SGSM2: variants seen among roughly 807,000 people sequenced by gnomAD.
SGSM2 encodes the protein RUN and TBC1 domain containing 1.
SGSM2 carries 89 observed loss-of-function variants against 126.6 expected under a neutral mutation model. The observed-to-expected ratio is 0.70, with a 90% CI of 0.59 to 0.84. The LOEUF (loss-of-function observed/expected upper bound fraction) is 0.84. SGSM2 is among the 40% of genes least tolerant of loss of function. The pLI, the probability that SGSM2 is intolerant of heterozygous loss-of-function variation, is 0.00. For synonymous variants in SGSM2, 614 were observed against 574.3 expected, an observed-to-expected ratio of 1.07 and a Z score of -0.99; for missense variants, 1,404 against 1,416.6, an observed-to-expected ratio of 0.99 and a Z score of 0.14.
At chr17:2,356,887 T>A (rs12940812) in intron 2 of SGSM2, among the ~76,000 whole-genome samples, 3 of 22,786 alleles carry the variant, frequency 1.3e-4, no homozygotes, top group African/African-American at 5.0e-4. Flanking sequence ...GGGGAAGGGA[T>A]CCCATATCTT....
In SGSM2 at chr17:2,380,128, A is replaced by C. The variant is rs570683821; in HGVS notation, c.*608A>C. On this transcript the variant is annotated 3_prime_UTR_variant, in exon 24 of 24. Transcript: ENST00000268989. ...TCGGAAGATGTGGGCCCTGGGTGGGAGCAGCCCACTTCAGCAGCACTGCCA... is the reference window on the plus strand; with the variant it reads ...TCGGAAGATGTGGGCCCTGGGTGGGCGCAGCCCACTTCAGCAGCACTGCCA... 213 of 1,412,756 alleles carry C rather than the reference A, an allele frequency of 1.5e-4. 2 individuals are homozygous for C. The Middle Eastern group carries it at 2.8e-3, about 18-fold the overall frequency. 87.5% of individuals were successfully genotyped at this position (1,412,756 alleles called of 1,614,324 possible). A position where few individuals can be genotyped will look rare whatever the true frequency, so the allele number is the denominator to read the frequency against.
chr17:2,377,735 A>C, intron 21 of SGSM2, 122 bp from the exon 22 acceptor site: 2 of 691,890 alleles, frequency 2.9e-6, no homozygotes, highest in Admixed American at 2.0e-5. Flanking sequence ...ACAGGGCAAC[A>C]GACAGACCCA....
At chr17:2,349,883 G>T (rs1327898672) in intron 2 of SGSM2, among the ~76,000 whole-genome samples, 1 of 151,856 alleles carries the variant, frequency 6.6e-6, no homozygotes, top group African/African-American at 2.4e-5. Flanking sequence ...CGCCTCCCGG[G>T]TTCACACCAT....
rs1389107369 is a variant in SGSM2, at chr17:2,337,899, C to G, written c.57+154C>G. Among the ~76,000 whole-genome samples the G allele has an allele frequency of 2.6e-5, 4 of 151,910 alleles. No homozygotes were observed. The South Asian group carries it at 8.3e-4, about 31-fold the overall frequency. ...GACGGGCTGCGCCTCCTTCCCCTTT[C>G]TCGGATGGGGGAGGGCAGCGCCCCT... On this transcript the variant is annotated intron_variant, in intron 1 of 23. Transcript: ENST00000268989. The surrounding 1 kb of genome is among the most constrained non-coding windows in gnomAD (Gnocchi z 5.1).
chr17:2,376,478 A>G, intron 19 of SGSM2: 1 of 671,042 alleles, frequency 1.5e-6, no homozygotes, highest in Non-Finnish European at 2.5e-6. Flanking sequence ...CTCTTCAGGA[A>G]GCTTTCCCTC....
Position 2,365,282 on chromosome 17 carries a change from C to G in SGSM2, c.1229C>G (p.Thr410Arg), listed in dbSNP as rs375137282. 1.3e-6 allele frequency: 2 copies of G among 1,598,390 alleles called. No homozygotes were observed. The highest frequency in any genetic ancestry group is 1.7e-6 in the Non-Finnish European group (2 of 1,172,526). The change falls in exon 11 of 24, where the codon ACG becomes AGG. Residue 410 changes from threonine to arginine, a missense_variant. Coordinates refer to ENST00000268989, the MANE Select transcript of SGSM2 (RefSeq NM_014853.3). ...IRSVDMEEMG[T>R]GRATDYVFRI... ...TCCGTGGATATGGAGGAGATGGGCACGGGGCGGGCCACCGACTATGTGTTC... is the reference window on the plus strand; with the variant it reads ...TCCGTGGATATGGAGGAGATGGGCAGGGGGCGGGCCACCGACTATGTGTTC...
chr17:2,365,559 C>T (rs1433232056), intron 11 of SGSM2, among the ~76,000 whole-genome samples: 4 of 152,154 alleles, frequency 2.6e-5, no homozygotes, highest in East Asian at 1.9e-4. Flanking sequence ...CACTTCTCCA[C>T]GCCAGGACTC....
chr17:2,354,975 G>A (rs2065035431), intron 2 of SGSM2, among the ~76,000 whole-genome samples: 2 of 99,768 alleles, frequency 2.0e-5, no homozygotes, highest in Admixed American at 9.5e-5. Context: ...TGGTGGAATC[G>A]GGGTGTAAGG....
chr17:2,364,052 G>A lies in SGSM2; in HGVS notation c.808-7G>A, dbSNP rs573040269. On this transcript the variant is annotated splice_region_variant and splice_polypyrimidine_tract_variant and intron_variant, in intron 7 of 23. Coordinates refer to ENST00000268989, the MANE Select transcript of SGSM2 (RefSeq NM_014853.3). ...CATCGTCGGTCTTCCGGTGTCTCCC[G>A]CTGTAGAAGGAGGATATGGAGGCGG... 6.8e-6 allele frequency: 11 copies of A among 1,613,918 alleles called. No individual in the cohort carries two copies. The highest frequency in any genetic ancestry group is 5.0e-5 in the Admixed American group (3 of 60,006).
At chr17:2,340,648 C>A (rs762402232) in intron 1 of SGSM2, among the ~76,000 whole-genome samples, 27 of 151,308 alleles carry the variant, frequency 1.8e-4, no homozygotes, top group Non-Finnish European at 3.4e-4. Context: ...GCCGTGGCGC[C>A]ATCTCAGCTC....
At position 2,380,104 on chromosome 17, in the gene SGSM2, C is replaced by T. The variant is rs765897360; in HGVS notation, c.*584C>T. On this transcript the variant is annotated 3_prime_UTR_variant, in exon 24 of 24. Coordinates refer to ENST00000268989, the MANE Select transcript of SGSM2 (RefSeq NM_014853.3). ...CGCTCCCCCGAGATTCTGGGGCAGT[C>T]GGAAGATGTGGGCCCTGGGTGGGAG... The T allele has an allele frequency of 1.1e-4, 159 of 1,400,868 alleles. No individual in the cohort carries two copies. Among genetic ancestry groups the T allele is most frequent in the Middle Eastern group, 5.0e-4 (2 of 3,982 alleles). The allele number at this position is 1,400,868 out of a possible 1,614,324, so 86.8% of individuals were successfully genotyped here.
chr17:2,373,375 G>C lies in SGSM2; in HGVS notation c.1962G>C (p.Glu654Asp), dbSNP rs748762956. The part of the protein sequence containing the change: ...VAARYQQVLA[E>D]WKACEVVVRQ... ...CAAGGTACCAGCAGGTGTTGGCAGA[G>C]TGGAAGGCCTGCGAGGTGGTGGTGA... is the stretch of plus-strand genomic sequence containing the variant. The change falls in exon 17 of 24, where the codon GAG (glutamate) becomes GAC (aspartate). Residue 654 changes from glutamate to aspartate, a missense_variant. Glu to Asp is a conservative substitution (Grantham distance 45). Coordinates refer to ENST00000268989, the MANE Select transcript of SGSM2 (RefSeq NM_014853.3). 3.1e-6 allele frequency: 5 copies of C among 1,613,172 alleles called. No individual in the cohort carries two copies. The highest frequency in any genetic ancestry group is 4.2e-6 in the Non-Finnish European group (5 of 1,179,996).
At chr17:2,374,891 A>G (rs1480800353) in intron 17 of SGSM2, among the ~76,000 whole-genome samples, 8 of 152,148 alleles carry the variant, frequency 5.3e-5, no homozygotes, top group African/African-American at 1.9e-4. Context: ...CAGTCTCTGT[A>G]TGTGTCTCTT....
Position 2,343,605 on chromosome 17 carries a change from A to G in SGSM2, c.118A>G (p.Ile40Val). The G allele has an allele frequency of 2.5e-6, 4 of 1,614,176 alleles. No homozygotes were observed. The highest frequency in any genetic ancestry group is 2.2e-5 in the South Asian group (2 of 91,082). Reference sequence around the variant, plus strand: ...GTTTGTGCATGAAGACAGCAGCCACATCATTGCTTTATGTGGTGAGTGAGT... The same window carrying G: ...GTTTGTGCATGAAGACAGCAGCCACGTCATTGCTTTATGTGGTGAGTGAGT... Reference protein sequence around the residue: ...RKFVHEDSSHIIALCGAVEAC... With the variant: ...RKFVHEDSSHVIALCGAVEAC... The change falls in exon 2 of 24, where the codon ATC becomes GTC. Residue 40 changes from isoleucine (I) to valine (V), a missense_variant. By Grantham distance (29) the Ile-to-Val change is conservative (BLOSUM62 3). Transcript: ENST00000268989.
intron 11 of SGSM2, among the ~76,000 whole-genome samples, chr17:2,365,642 C>T (rs1038064248): frequency 5.9e-5 from 9 of 152,118 alleles, no homozygotes; most frequent in African/African-American, 2.2e-4. Context: ...AGGGGTAAAA[C>T]ACGTGGAGAA....
intron 22 of SGSM2, among the ~76,000 whole-genome samples, 154 bp downstream of exon 22, chr17:2,378,107 T>C (rs536984875): frequency 6.6e-6 from 1 of 152,128 alleles, no homozygotes; most frequent in African/African-American, 2.4e-5. Flanking sequence ...CCCAGACTCA[T>C]GAACTGTGGC....
intron 20 of SGSM2, 24 bp downstream of exon 20, chr17:2,376,839 C>G: frequency 6.2e-7 from 1 of 1,613,702 alleles, no homozygotes; most frequent in Admixed American, 1.7e-5. Flanking sequence ...GGACATGGGA[C>G]TGGGCTGCGT....
chr17:2,355,334 A>G (rs77774277), intron 2 of SGSM2, among the ~76,000 whole-genome samples: 230 of 11,494 alleles, frequency 0.02, no homozygotes, highest in Admixed American at 0.045. Flanking sequence ...GGGGTGTAAG[A>G]GTTGGGGGAA....
chr17:2,377,198 G>T, intron 21 of SGSM2, 130 bp downstream of exon 21: 1 of 646,662 alleles, frequency 1.5e-6, no homozygotes, highest in East Asian at 2.8e-5. Flanking sequence ...TAAAAGACAT[G>T]GTTTCAGCAG....
Sources: gnomAD v4.1 joint callset for allele counts (sites outside exome capture counted in the v4.1 genomes callset) on GRCh38, gnomAD v4.1.1 for gene constraint, Gnocchi (gnomAD v3.1) non-coding constraint, MANE v1.5 for transcripts, NCBI Gene and HGNC (gene_info 2026-07-23, HGNC 2026-07-21) for gene names.